Variants in EXOC2 observed in about 807,000 individuals in gnomAD.
EXOC2 encodes exocyst complex component 2.
Under a neutral mutation model 131.8 loss-of-function variants are expected in EXOC2, and 70 were observed. That is an observed-to-expected ratio of 0.53 (90% CI 0.44 to 0.65). The LOEUF (loss-of-function observed/expected upper bound fraction) is 0.65, where lower values mean the gene tolerates loss of function less well. EXOC2 is among the 30% of genes least tolerant of loss of function. EXOC2 has a pLI of 0.00. For missense variants in EXOC2, 923 were observed against 1,108.6 expected (o/e 0.83, Z 2.38); for synonymous variants, 411 against 398.4 (o/e 1.03, Z -0.38).
chr6:599,915 CTTTA>C (rs1760037377), intron 7 of EXOC2, among the ~76,000 whole-genome samples: 1 of 151,432 alleles, frequency 6.6e-6, no homozygotes, highest in Non-Finnish European at 1.5e-5. Flanking sequence ...GAAAGAGTTG[CTTTA>C]TTTAAAGCAA....
Position 599,195 on chromosome 6 carries a change from T to C in EXOC2, c.773A>G (p.Gln258Arg). 1 of 1,607,716 alleles carries C rather than the reference T, an allele frequency of 6.2e-7. No individual in the cohort carries two copies. Among genetic ancestry groups the C allele is most frequent in the Non-Finnish European group, 8.5e-7 (1 of 1,176,022 alleles). ...CTTGTCTTTCCGACCTAATACTTCT[T>C]GAAACAATGTGTCTGCAGTATTACT... ...RASNTADTLF[Q>R]EVLGRKDKAD... The change falls in exon 8 of 28, where the codon CAA becomes CGA. Residue 258 changes from glutamine to arginine, a missense_variant. Gln to Arg is a conservative substitution (Grantham distance 43). Coordinates refer to ENST00000230449, the MANE Select transcript of EXOC2 (RefSeq NM_018303.6).
At chr6:619,297 A>G (rs1761165551) in intron 5 of EXOC2, 133 bp downstream of exon 5, 1 of 600,830 alleles carries the variant, frequency 1.7e-6, no homozygotes, top group African/African-American at 1.8e-5. Context: ...GGTAAACGCA[A>G]AGTCAAAGAG....
At chr6:562,525 T>TA (rs1221289351) in intron 17 of EXOC2, among the ~76,000 whole-genome samples, 1 of 152,202 alleles carries the variant, frequency 6.6e-6, no homozygotes, top group African/African-American at 2.4e-5. Context: ...ACTCTGTTTT[T>TA]AAAAAACTAA....
At chr6:658,673 T>G (rs1313095075) in intron 1 of EXOC2, among the ~76,000 whole-genome samples, 1 of 135,144 alleles carries the variant, frequency 7.4e-6, no homozygotes, top group African/African-American at 2.8e-5. Flanking sequence ...ATATTTTTTT[T>G]TTTTTTAGAC....
intron 6 of EXOC2, among the ~76,000 whole-genome samples, chr6:612,339 C>CT (rs1182821371): frequency 6.6e-6 from 1 of 152,182 alleles, no homozygotes; most frequent in Admixed American, 6.5e-5. Context: ...ATGCTGACCT[C>CT]TGAGTAGGAT....
intron 17 of EXOC2, among the ~76,000 whole-genome samples, chr6:559,059 T>C (rs1757570784): frequency 6.6e-6 from 1 of 152,220 alleles, no homozygotes; most frequent in Non-Finnish European, 1.5e-5. Flanking sequence ...TCTCTGTGTA[T>C]TGTCAGTGAG....
rs762736216 is a variant in EXOC2 at position 687,171 on chromosome 6, C to CTTTTTTTTT, written c.-44+5839_-44+5847dup. On this transcript the variant is annotated intron_variant, in intron 1 of 27. Coordinates refer to ENST00000230449, the MANE Select transcript of EXOC2 (RefSeq NM_018303.6). ...GAAGAAGTCATTATCAAATAATATT[C>CTTTTTTTTT]TTTTTTTTTTTTTTTTTTTTTTTGA... is the stretch of plus-strand genomic sequence containing the variant. Among the ~76,000 whole-genome samples the CTTTTTTTTT allele has an allele frequency of 5.0e-3, 388 of 78,364 alleles. 99 individuals are homozygous for CTTTTTTTTT. The highest frequency in any genetic ancestry group is 0.029 in the South Asian group (49 of 1,688). 51.4% of individuals were successfully genotyped at this position (78,364 alleles called of 152,430 possible).
At chr6:681,811 C>CTG (rs1414623914) in intron 1 of EXOC2, among the ~76,000 whole-genome samples, 1 of 152,206 alleles carries the variant, frequency 6.6e-6, no homozygotes, top group African/African-American at 2.4e-5. Flanking sequence ...TGTCAAGGTA[C>CTG]TGTGGTTCTA....
At chr6:600,043 TAA>T (rs1760045964) in intron 7 of EXOC2, among the ~76,000 whole-genome samples, 1 of 152,166 alleles carries the variant, frequency 6.6e-6, no homozygotes, top group Non-Finnish European at 1.5e-5. Context: ...TCGCTGCTTG[TAA>T]AAAGTTTCTG....
In EXOC2 at chr6:488,865, A is replaced by G. The variant is rs2127464322; in HGVS notation, c.2681+114T>C. The G allele has an allele frequency of 7.1e-6, 8 of 1,127,158 alleles. No individual in the cohort carries two copies. The South Asian group carries it at 9.4e-5, about 13-fold the overall frequency. The allele number at this position is 1,127,158 out of a possible 1,614,324, so 69.8% of individuals were successfully genotyped here. ...GGTATATCTGCTTATTCTGATTCTT[A>G]TTTGGATTCTGCTCTTCCTAGAATC... On this transcript the variant is annotated intron_variant, in intron 27 of 27. Coordinates refer to ENST00000230449, the MANE Select transcript of EXOC2 (RefSeq NM_018303.6).
intron 23 of EXOC2, among the ~76,000 whole-genome samples, chr6:523,736 T>G (rs1765603722): frequency 1.3e-5 from 2 of 152,176 alleles, no homozygotes; most frequent in Non-Finnish European, 2.9e-5. Flanking sequence ...CAGGCTGGAG[T>G]GCAGTGGTGC....
At chr6:544,971 C>T (rs1485202506) in intron 22 of EXOC2, among the ~76,000 whole-genome samples, 1 of 151,476 alleles carries the variant, frequency 6.6e-6, no homozygotes, top group East Asian at 1.9e-4. Flanking sequence ...CAAGGTGAAA[C>T]CCCGTCTCTA....
intron 1 of EXOC2, among the ~76,000 whole-genome samples, chr6:688,513 G>C (rs1169637698): frequency 6.6e-6 from 1 of 152,240 alleles, no homozygotes; most frequent in Admixed American, 6.5e-5. Flanking sequence ...TGCAGTGGGG[G>C]TGAGTGAGAC....
At chr6:541,015 T>C (rs1346957274) in intron 22 of EXOC2, among the ~76,000 whole-genome samples, 3 of 152,226 alleles carry the variant, frequency 2.0e-5, no homozygotes, top group African/African-American at 7.2e-5. Context: ...ATCTGTGGAA[T>C]GTGGTATCCA....
intron 1 of EXOC2, chr6:656,596 C>A: frequency 6.3e-7 from 1 of 1,595,318 alleles, no homozygotes; most frequent in Non-Finnish European, 8.5e-7. Context: ...GAGACCAGCT[C>A]CACCGCCACC....
At chr6:641,057 T>C (rs1038618726) in intron 1 of EXOC2, among the ~76,000 whole-genome samples, 1 of 152,014 alleles carries the variant, frequency 6.6e-6, no homozygotes, top group Non-Finnish European at 1.5e-5. Flanking sequence ...GTCATAATAA[T>C]GTAGTAACTG....
In EXOC2 at chr6:485,491, C is replaced by A. The variant is rs1762994917; in HGVS notation, c.*1180G>T. 2 of 152,068 alleles carry A rather than the reference C, an allele frequency of 1.3e-5. No homozygotes were observed. The highest frequency in any genetic ancestry group is 2.9e-5 in the Non-Finnish European group (2 of 68,016). 9.4% of individuals were successfully genotyped at this position (152,068 alleles called of 1,614,324 possible). A position where few individuals can be genotyped will look rare whatever the true frequency, so the allele number is the denominator to read the frequency against. On this transcript the variant is annotated 3_prime_UTR_variant, in exon 28 of 28. Coordinates refer to ENST00000230449, the MANE Select transcript of EXOC2 (RefSeq NM_018303.6). ...TTTAAAAAAAGAGATTTAAAAATAA[C>A]CATAGAAAAACTTGAAAACCCTGAC...
intron 25 of EXOC2, among the ~76,000 whole-genome samples, chr6:495,342 T>C (rs1763662351): frequency 6.6e-6 from 1 of 152,116 alleles, no homozygotes; most frequent in Admixed American, 6.5e-5. Flanking sequence ...GCCAGGATGG[T>C]CTCGATCTCC....
chr6:606,277 G>T (rs146020882), intron 7 of EXOC2, among the ~76,000 whole-genome samples: 2,190 of 152,250 alleles, frequency 0.014, 27 homozygotes, highest in Middle Eastern at 0.034. Flanking sequence ...TGGAGTTGGG[G>T]GAGGGGGAAG....
Sources: gnomAD v4.1 joint callset for allele counts (sites outside exome capture counted in the v4.1 genomes callset) on GRCh38, gnomAD v4.1.1 for gene constraint, MANE v1.5 for transcripts, NCBI Gene and HGNC (gene_info 2026-07-23, HGNC 2026-07-21) for gene names.